The following SGK1 variants were observed in gnomAD, a reference collection of about 807,000 sequenced individuals.
SGK1 encodes the protein serum/glucocorticoid regulated kinase 1.
SGK1 carries 26 observed loss-of-function variants against 64.2 expected under a neutral mutation model. The ratio of observed to expected loss-of-function variants is 0.40; its 90% CI spans 0.30 to 0.56. The LOEUF (loss-of-function observed/expected upper bound fraction) is 0.56, where lower values mean the gene tolerates loss of function less well. SGK1 is among the 20% of genes least tolerant of loss of function. The probability of loss-of-function intolerance (pLI) is 0.38; values close to 1 mark genes in which losing one functional copy is unlikely to be tolerated. For missense variants in SGK1, 519 were observed against 645.6 expected (o/e 0.80, Z 2.12); for synonymous variants, 265 against 239.7 (o/e 1.11, Z -0.98).
intron 2 of SGK1, among the ~76,000 whole-genome samples, chr6:134,243,067 T>C (rs1776472719): frequency 6.6e-6 from 1 of 151,956 alleles, no homozygotes; most frequent in South Asian, 2.1e-4. Flanking sequence ...AAAACACATC[T>C]TAGAATGATT....
chr6:134,232,302 T>C (rs1464121897), intron 2 of SGK1, among the ~76,000 whole-genome samples: 1 of 151,302 alleles, frequency 6.6e-6, no homozygotes, highest in Non-Finnish European at 1.5e-5. Flanking sequence ...GGAGAATCAC[T>C]TGAACCTGGG....
At chr6:134,175,474 C>G (rs1348501262) in intron 3 of SGK1, 1 of 1,337,256 alleles carries the variant, frequency 7.5e-7, no homozygotes, top group East Asian at 3.1e-5. Context: ...CCGACGAAAG[C>G]CGGCCCCTGC....
intron 3 of SGK1, among the ~76,000 whole-genome samples, chr6:134,201,724 G>A (rs771117698): frequency 2.0e-5 from 3 of 152,104 alleles, no homozygotes; most frequent in African/African-American, 7.2e-5. Flanking sequence ...AATAAAACTC[G>A]TACTGCAACC....
chr6:134,297,266 A>T, intron 1 of SGK1: 1 of 1,238,498 alleles, frequency 8.1e-7, no homozygotes, highest in Non-Finnish European at 1.2e-6. Context: ...TTGCGATCTC[A>T]ATGTCCAGGG....
chr6:134,210,502 C>T lies in SGK1; in HGVS notation c.286-3071G>A, dbSNP rs1243231065. 2.6e-5 allele frequency among the ~76,000 whole-genome samples: 4 copies of T among 151,974 alleles called. No individual in the cohort carries two copies. The East Asian group carries it at 7.7e-4, about 29-fold the overall frequency. Reference sequence around the variant, plus strand: ...TAGAGATCTGCTGTACAACATGGTGCCTAGAGAACATTACTATATTGTGCA... The same window carrying T: ...TAGAGATCTGCTGTACAACATGGTGTCTAGAGAACATTACTATATTGTGCA... On this transcript the variant is annotated intron_variant, in intron 2 of 13. Transcript: ENST00000367858.
At chr6:134,173,002 A>G (rs1263823021) in intron 8 of SGK1, 21 bp downstream of exon 8, 6 of 1,599,032 alleles carry the variant, frequency 3.8e-6, no homozygotes, top group Admixed American at 3.5e-5. Context: ...CTAAGAGTTG[A>G]CTTCTATCCC....
intron 1 of SGK1, among the ~76,000 whole-genome samples, chr6:134,278,973 T>C (rs1777055379): frequency 6.6e-6 from 1 of 152,156 alleles, no homozygotes; most frequent in Non-Finnish European, 1.5e-5. Flanking sequence ...GGAAAAAGGA[T>C]GCATTTCAGG....
chr6:134,206,383 ATTTT>A (rs869072819), intron 3 of SGK1, among the ~76,000 whole-genome samples: 68 of 16,540 alleles, frequency 4.1e-3, no homozygotes, highest in East Asian at 0.013. Flanking sequence ...ATATATATAT[ATTTT>A]TTTTTTTTTT....
chr6:134,268,314 C>T (rs1776884735), intron 1 of SGK1, among the ~76,000 whole-genome samples: 1 of 152,166 alleles, frequency 6.6e-6, no homozygotes, highest in Non-Finnish European at 1.5e-5. Context: ...GCAGCCTGGG[C>T]TCCTGGGCCT....
chr6:134,173,899 G>A (rs1377828594), intron 5 of SGK1, 106 bp downstream of exon 5: 1 of 753,754 alleles, frequency 1.3e-6, no homozygotes, highest in South Asian at 1.7e-5. Flanking sequence ...AAGCATTCCT[G>A]CCTTGATACT....
chr6:134,243,928 T>G (rs529064177), intron 2 of SGK1, among the ~76,000 whole-genome samples: 1 of 152,274 alleles, frequency 6.6e-6, no homozygotes, highest in South Asian at 2.1e-4. Flanking sequence ...CAGAAAACTC[T>G]AAACAATAGT....
chr6:134,295,644 AG>A (rs1336550754), intron 1 of SGK1, among the ~76,000 whole-genome samples: 6 of 151,734 alleles, frequency 4.0e-5, no homozygotes, highest in African/African-American at 1.2e-4. Context: ...CGGAGGTTGC[AG>A]TGAGCTGAGA....
intron 3 of SGK1, among the ~76,000 whole-genome samples, chr6:134,184,279 A>T (rs1332576973): frequency 6.6e-6 from 1 of 151,876 alleles, no homozygotes; most frequent in Non-Finnish European, 1.5e-5. Context: ...CGGGCAGATC[A>T]CGAGGTCAGG....
At chr6:134,263,434 C>G (rs1242649014) in intron 1 of SGK1, among the ~76,000 whole-genome samples, 2 of 150,284 alleles carry the variant, frequency 1.3e-5, no homozygotes, top group African/African-American at 2.5e-5. Flanking sequence ...TGAGGTCTCA[C>G]TAAGTTGCGC....
At chr6:134,293,839 T>C (rs574554054) in intron 1 of SGK1, among the ~76,000 whole-genome samples, 94 of 152,270 alleles carry the variant, frequency 6.2e-4, no homozygotes, top group Admixed American at 1.0e-3. Context: ...CAAACTAAAA[T>C]GCAGACAAAT....
intron 3 of SGK1, among the ~76,000 whole-genome samples, chr6:134,193,938 C>T (rs1775557803): frequency 6.6e-6 from 1 of 151,708 alleles, no homozygotes; most frequent in South Asian, 2.1e-4. Flanking sequence ...CCTGGCAGCT[C>T]AGGGAACAAG....
chr6:134,264,246 A>C (rs1776814520), intron 1 of SGK1, among the ~76,000 whole-genome samples: 1 of 151,594 alleles, frequency 6.6e-6, no homozygotes, highest in Admixed American at 6.6e-5. Context: ...CAGCCTCCCG[A>C]GTAGCTGGGA....
At chr6:134,185,802 C>T (rs927622687) in intron 3 of SGK1, among the ~76,000 whole-genome samples, 9 of 152,058 alleles carry the variant, frequency 5.9e-5, no homozygotes, top group African/African-American at 1.4e-4. Context: ...ACTGAGAATC[C>T]GGGGGCTGCT....
At chr6:134,272,124 G>A (rs1279872544) in intron 1 of SGK1, among the ~76,000 whole-genome samples, 1 of 138,178 alleles carries the variant, frequency 7.2e-6, no homozygotes, top group Non-Finnish European at 1.6e-5. Context: ...TTACAGGCAT[G>A]AGCCACCGTG....
Sources: gnomAD v4.1 joint callset for allele counts (sites outside exome capture counted in the v4.1 genomes callset) on GRCh38, gnomAD v4.1.1 for gene constraint, MANE v1.5 for transcripts, NCBI Gene and HGNC (gene_info 2026-07-23, HGNC 2026-07-21) for gene names.